Variants in GREB1L observed in about 807,000 individuals in gnomAD.
GREB1L encodes GREB1-like protein.
A neutral mutation model predicts 200.8 loss-of-function variants in GREB1L; 17 were observed. The observed-to-expected ratio is 0.08, with a 90% CI of 0.06 to 0.13. GREB1L has a LOEUF of 0.13. GREB1L is among the 10% of genes least tolerant of loss of function. GREB1L has a pLI of 1.00. For synonymous variants in GREB1L, 789 were observed against 893.0 expected (o/e 0.88, Z 2.08); for missense variants, 1,657 against 2,367.7 (o/e 0.70, Z 6.23).
At chr18:21,393,821 G>A (rs993888406) in intron 4 of GREB1L, among the ~76,000 whole-genome samples, 40 of 151,862 alleles carry the variant, frequency 2.6e-4, no homozygotes, top group African/African-American at 8.5e-4. Context: ...CTCGGCCTCC[G>A]AAAGTGCTGG....
chr18:21,452,008 C>A (rs1292090175), intron 13 of GREB1L, 75 bp from the exon 14 acceptor site: 1 of 1,420,046 alleles, frequency 7.0e-7, no homozygotes, highest in Non-Finnish European at 9.6e-7. Flanking sequence ...AGCCTAACTG[C>A]CCAACTTGGG....
At chr18:21,355,660 G>A (rs1190628083) in intron 1 of GREB1L, among the ~76,000 whole-genome samples, 1 of 152,164 alleles carries the variant, frequency 6.6e-6, no homozygotes, top group Admixed American at 6.5e-5. Context: ...GAAAAGCAAT[G>A]AGATGAAATC....
chr18:21,508,064 T>A, intron 25 of GREB1L, 54 bp from the exon 26 acceptor site: 1 of 1,512,836 alleles, frequency 6.6e-7, no homozygotes, highest in Non-Finnish European at 9.0e-7. Context: ...GGCCTGGAAG[T>A]TTGGAAACTG....
At chr18:21,508,677 G>A in intron 27 of GREB1L, 86 bp downstream of exon 27, 2 of 1,040,728 alleles carry the variant, frequency 1.9e-6, no homozygotes, top group Non-Finnish European at 2.8e-6. Flanking sequence ...AGATTCCCCT[G>A]CCTCTAGAAA....
chr18:21,379,251 G>C (rs1159198656), intron 2 of GREB1L, among the ~76,000 whole-genome samples: 1 of 152,138 alleles, frequency 6.6e-6, no homozygotes, highest in Non-Finnish European at 1.5e-5. Context: ...TTGTTGCCCA[G>C]GCTGGAGTGC....
chr18:21,476,786 C>T (rs1158959680), intron 16 of GREB1L, among the ~76,000 whole-genome samples: 1 of 151,710 alleles, frequency 6.6e-6, no homozygotes, highest in Admixed American at 6.6e-5. Context: ...ACCATGTTGG[C>T]CAGGCTGGTC....
chr18:21,331,816 G>A (rs768485980), intron 1 of GREB1L, among the ~76,000 whole-genome samples: 2 of 152,124 alleles, frequency 1.3e-5, no homozygotes, highest in Non-Finnish European at 1.5e-5. Flanking sequence ...AATAAACACA[G>A]TTTTTAACAA....
chr18:21,363,861 G>A (rs1270211357), intron 1 of GREB1L: 1 of 152,118 alleles, frequency 6.6e-6, no homozygotes, highest in Non-Finnish European at 1.5e-5. Context: ...CTGCATCATG[G>A]TAAACAATTC....
intron 1 of GREB1L, among the ~76,000 whole-genome samples, chr18:21,307,156 C>A (rs1485765711): frequency 1.3e-5 from 2 of 152,162 alleles, no homozygotes; most frequent in Non-Finnish European, 2.9e-5. Context: ...GCAATTTTTC[C>A]TTTAGGAGTT....
intron 16 of GREB1L, among the ~76,000 whole-genome samples, chr18:21,476,662 T>A (rs914995478): frequency 2.0e-5 from 3 of 151,976 alleles, no homozygotes; most frequent in Admixed American, 6.6e-5. Flanking sequence ...CTCCTCCTCC[T>A]GGTTCAAGCA....
chr18:21,283,454 G>A (rs2038304571), intron 1 of GREB1L, among the ~76,000 whole-genome samples: 3 of 152,218 alleles, frequency 2.0e-5, no homozygotes. Flanking sequence ...GGTTTCTAAT[G>A]CCTGTTTATC....
intron 7 of GREB1L, among the ~76,000 whole-genome samples, chr18:21,438,626 G>A (rs1192990032): frequency 1.2e-4 from 18 of 151,694 alleles, no homozygotes; most frequent in Non-Finnish European, 1.9e-4. Flanking sequence ...CTCTGAGCCC[G>A]CCACTGCACT....
chr18:21,335,841 T>G (rs1200980793), intron 1 of GREB1L, among the ~76,000 whole-genome samples: 1 of 152,014 alleles, frequency 6.6e-6, no homozygotes, highest in African/African-American at 2.4e-5. Flanking sequence ...TTTTTTGTAT[T>G]TTTAGTAGAG....
chr18:21,294,952 A>G (rs562337621), intron 1 of GREB1L, among the ~76,000 whole-genome samples: 12 of 152,134 alleles, frequency 7.9e-5, no homozygotes, highest in Non-Finnish European at 1.8e-4. Context: ...TTCCCTTGGT[A>G]TGTGTCCCAT....
chr18:21,408,794 CAA>C (rs58262799), intron 7 of GREB1L, among the ~76,000 whole-genome samples: 10 of 73,602 alleles, frequency 1.4e-4, no homozygotes, highest in Admixed American at 5.1e-4. Context: ...AATTCCATCT[CAA>C]AAAAAAAAAA....
chr18:21,315,203 C>T (rs2038849172), intron 1 of GREB1L, among the ~76,000 whole-genome samples: 1 of 152,190 alleles, frequency 6.6e-6, no homozygotes, highest in Admixed American at 6.5e-5. Context: ...AATCCTCCCA[C>T]TTCAGTCTCC....
At chr18:21,415,895 G>A (rs2031583580) in intron 7 of GREB1L, among the ~76,000 whole-genome samples, 1 of 152,208 alleles carries the variant, frequency 6.6e-6, no homozygotes, top group Admixed American at 6.5e-5. Context: ...GATATTTATA[G>A]GAATATAAAA....
chr18:21,344,539 G>A (rs773673956), intron 1 of GREB1L, among the ~76,000 whole-genome samples: 2 of 152,204 alleles, frequency 1.3e-5, no homozygotes, highest in Non-Finnish European at 2.9e-5. Flanking sequence ...CTCCTGCAAA[G>A]GTGTTGAAAC....
chr18:21,282,889 C>T (rs2038293717), intron 1 of GREB1L, among the ~76,000 whole-genome samples: 1 of 152,228 alleles, frequency 6.6e-6, no homozygotes, highest in Admixed American at 6.5e-5. Context: ...TGAGCCACTG[C>T]ACCCAGCCTT....
Sources: allele counts gnomAD v4.1 joint callset (sites outside exome capture counted in the v4.1 genomes callset), GRCh38; gene constraint gnomAD v4.1.1; transcripts MANE v1.5; gene names NCBI Gene and HGNC (gene_info 2026-07-23, HGNC 2026-07-21).